The following HS6ST2 variants were observed in gnomAD, a reference collection of about 807,000 sequenced individuals.
HS6ST2 encodes the protein heparan sulfate 6-O-sulfotransferase 2, also known as heparan-sulfate 6-O-sulfotransferase 2.
HS6ST2 carries 17 observed loss-of-function variants against 33.0 expected under a neutral mutation model. The ratio of observed to expected loss-of-function variants is 0.52; its 90% CI spans 0.35 to 0.77. HS6ST2 has a LOEUF of 0.77. Among genes scored for constraint, HS6ST2 ranks in the 30% least tolerant of loss-of-function variants. The pLI is 0.01. For missense variants in HS6ST2, 519 were observed against 551.7 expected, an observed-to-expected ratio of 0.94 and a Z score of 0.59; for synonymous variants, 248 against 237.1, an observed-to-expected ratio of 1.05 and a Z score of -0.42.
intron 2 of HS6ST2, among the ~76,000 whole-genome samples, chrX:132,828,889 C>CTA (rs200809594): frequency 0.011 from 1,086 of 101,922 alleles, 11 homozygotes; most frequent in African/African-American, 0.037. Context: ...AAATATGTAG[C>CTA]TATATATATG....
chrX:132,641,782 C>A (rs1318342114), intron 4 of HS6ST2, among the ~76,000 whole-genome samples: 1 of 111,936 alleles, frequency 8.9e-6, no homozygotes, highest in Non-Finnish European at 1.9e-5. Context: ...TGCCTGAGCA[C>A]AGCCTCAGGA....
chrX:132,766,681 G>A (rs773112340), intron 2 of HS6ST2, among the ~76,000 whole-genome samples: 14 of 111,994 alleles, frequency 1.3e-4, no homozygotes, highest in Non-Finnish European at 2.4e-4. Flanking sequence ...GAGGCCTGTG[G>A]TGATGTGGTT....
At chrX:132,743,755 C>T (rs1354362452) in intron 2 of HS6ST2, among the ~76,000 whole-genome samples, 1 of 111,522 alleles carries the variant, frequency 9.0e-6, no homozygotes, top group Non-Finnish European at 1.9e-5. Flanking sequence ...CCAATTGCAG[C>T]GTTTTTTGTT....
intron 2 of HS6ST2, among the ~76,000 whole-genome samples, chrX:132,721,467 T>C (rs1481195795): frequency 8.9e-6 from 1 of 111,851 alleles, no homozygotes; most frequent in Non-Finnish European, 1.9e-5. Context: ...AGTGCCTACA[T>C]CAAAAAAGAG....
intron 2 of HS6ST2, among the ~76,000 whole-genome samples, chrX:132,774,425 C>T (rs1336220855): frequency 8.9e-6 from 1 of 112,189 alleles, no homozygotes; most frequent in Non-Finnish European, 1.9e-5. Context: ...CTCCTACAGA[C>T]CGTGTCTCAA....
Position 132,728,995 on chromosome X carries a change from T to C in HS6ST2, c.948-20501A>G, listed in dbSNP as rs774555791. ...CACTCCCTGGGCAGGTCAGTCCCAT[T>C]GTGAAGTGGCATTAAATCTTTCAAG... is the stretch of plus-strand genomic sequence containing the variant. On this transcript the variant is annotated intron_variant, in intron 2 of 4. Transcript: ENST00000370833. Among the ~76,000 whole-genome samples, 4 of 112,392 alleles carry C rather than the reference T, an allele frequency of 3.6e-5. No individual in the cohort carries two copies. In the East Asian group the frequency reaches 1.1e-3, roughly 32 times the overall value.
chrX:132,817,989 T>G (rs948885181), intron 2 of HS6ST2, among the ~76,000 whole-genome samples: 1 of 111,781 alleles, frequency 8.9e-6, no homozygotes, highest in Non-Finnish European at 1.9e-5. Context: ...GTGATGGACT[T>G]CTTCAAGAAG....
intron 2 of HS6ST2, among the ~76,000 whole-genome samples, chrX:132,942,555 A>C (rs2066898026): frequency 8.9e-6 from 1 of 111,993 alleles, no homozygotes; most frequent in South Asian, 3.7e-4. Flanking sequence ...AACAAAATGG[A>C]TTCTTATTAT....
At position 132,958,416 on chromosome X, in the gene HS6ST2, GGAATCCGTGA is replaced by G; in HGVS notation, c.177_186del (p.His60ThrfsTer64). 8.3e-7 allele frequency: 1 copy of G among 1,198,628 alleles called. No homozygotes were observed. The highest frequency in any genetic ancestry group is 2.2e-5 in the Admixed American group (1 of 45,609). On this transcript the variant is annotated frameshift_variant, in exon 1 of 5. Coordinates refer to ENST00000370833, the MANE Select transcript of HS6ST2 (RefSeq NM_001394073.1). LOFTEE classifies it high-confidence loss of function. ...GGCTTGTCCAGGAGCGGCCGGGTGT[GGAATCCGTGA>G]GACACACCCCTAGGAGGGCCCGCGC...
chrX:132,959,132 A>G (rs1474822100), upstream of HS6ST2, among the ~76,000 whole-genome samples: 1 of 111,530 alleles, frequency 9.0e-6, no homozygotes, highest in African/African-American at 3.3e-5. Flanking sequence ...GGATGTGCCC[A>G]AGGTCACACA....
chrX:132,933,421 C>T (rs183392411), intron 2 of HS6ST2, among the ~76,000 whole-genome samples: 99 of 110,715 alleles, frequency 8.9e-4, no homozygotes, highest in African/African-American at 2.8e-3. Flanking sequence ...GTAGACATTA[C>T]GCAATCTGAA....
intron 2 of HS6ST2, among the ~76,000 whole-genome samples, chrX:132,943,713 T>G (rs1430779246): frequency 9.0e-6 from 1 of 110,863 alleles, no homozygotes; most frequent in African/African-American, 3.3e-5. Flanking sequence ...CATACACAAA[T>G]CAATAAATGT....
chrX:132,788,638 C>T (rs1227010715), intron 2 of HS6ST2, among the ~76,000 whole-genome samples: 1 of 112,715 alleles, frequency 8.9e-6, no homozygotes, highest in East Asian at 2.8e-4. Flanking sequence ...AGTCTGAAAA[C>T]TAGGCCTCTT....
chrX:132,646,970 A>G (rs2063649685), intron 4 of HS6ST2, among the ~76,000 whole-genome samples: 1 of 111,371 alleles, frequency 9.0e-6, no homozygotes, highest in South Asian at 3.9e-4. Context: ...AACAGCATGG[A>G]AAACCCACCC....
chrX:132,945,448 G>T (rs979526682), intron 2 of HS6ST2, among the ~76,000 whole-genome samples: 3 of 111,581 alleles, frequency 2.7e-5, no homozygotes, highest in African/African-American at 6.5e-5. Flanking sequence ...TCAGTGTGGC[G>T]ATTCCTCAGG....
chrX:132,716,416 C>T (rs1018887998), intron 2 of HS6ST2, among the ~76,000 whole-genome samples: 8 of 111,747 alleles, frequency 7.2e-5, no homozygotes, highest in Non-Finnish European at 1.5e-4. Context: ...CGAAATAAAA[C>T]AAAATTGAAG....
chrX:132,824,491 A>G (rs2148380782), intron 2 of HS6ST2, among the ~76,000 whole-genome samples: 1 of 112,605 alleles, frequency 8.9e-6, no homozygotes, highest in African/African-American at 3.2e-5. Context: ...CAGAAGAAAA[A>G]GGGTAAAGGA....
intron 2 of HS6ST2, among the ~76,000 whole-genome samples, chrX:132,954,833 A>G (rs2067051022): frequency 8.9e-6 from 1 of 112,096 alleles, no homozygotes; most frequent in African/African-American, 3.2e-5. Context: ...TTTTGCTTCA[A>G]TTTGGGACAA....
chrX:132,884,112 G>A (rs1407590579), intron 2 of HS6ST2, among the ~76,000 whole-genome samples: 2 of 111,284 alleles, frequency 1.8e-5, no homozygotes, highest in East Asian at 2.8e-4. Flanking sequence ...GAAGTACGAA[G>A]GAGAATTGCC....
Sources: allele counts gnomAD v4.1 joint callset (sites outside exome capture counted in the v4.1 genomes callset), GRCh38; gene constraint gnomAD v4.1.1; transcripts MANE v1.5; gene names NCBI Gene and HGNC (gene_info 2026-07-23, HGNC 2026-07-21).